MDN1: variants seen among roughly 807,000 people sequenced by gnomAD.
The protein encoded by MDN1 is midasin AAA ATPase 1.
A neutral mutation model predicts 669.2 loss-of-function variants in MDN1; 266 were observed. The ratio of observed to expected loss-of-function variants is 0.40; its 90% CI spans 0.36 to 0.44. The LOEUF is 0.44. Among genes scored for constraint, MDN1 ranks in the 20% least tolerant of loss-of-function variants. The pLI is 1.00. For missense variants in MDN1, 5,940 were observed against 6,754.0 expected, an observed-to-expected ratio of 0.88 and a Z score of 4.22; for synonymous variants, 2,385 against 2,457.1, an observed-to-expected ratio of 0.97 and a Z score of 0.87.
At chr6:89,819,075 C>G (rs1016051732) in intron 1 of MDN1, among the ~76,000 whole-genome samples, 2 of 152,210 alleles carry the variant, frequency 1.3e-5, no homozygotes, top group Non-Finnish European at 2.9e-5. Flanking sequence ...GTTCCTTACG[C>G]ACAGCAGGAA....
intron 77 of MDN1, 151 bp downstream of exon 77, chr6:89,675,951 A>G: frequency 1.5e-6 from 1 of 649,758 alleles, no homozygotes; most frequent in Non-Finnish European, 2.6e-6. Flanking sequence ...AATTACATTG[A>G]TTTATATTTT....
chr6:89,739,053 TG>T (rs976951509), intron 32 of MDN1, among the ~76,000 whole-genome samples: 3 of 152,228 alleles, frequency 2.0e-5, no homozygotes, highest in African/African-American at 7.2e-5. Context: ...GCATCATTAT[TG>T]GTTTGTCTGA....
chr6:89,787,466 C>T (rs1819024449), intron 8 of MDN1, among the ~76,000 whole-genome samples: 1 of 152,178 alleles, frequency 6.6e-6, no homozygotes, highest in Non-Finnish European at 1.5e-5. Flanking sequence ...CAAGTCATTT[C>T]ACTTATTCTT....
chr6:89,817,522 C>T (rs1355334631), intron 1 of MDN1, among the ~76,000 whole-genome samples: 1 of 152,108 alleles, frequency 6.6e-6, no homozygotes, highest in Non-Finnish European at 1.5e-5. Flanking sequence ...GAAAAGTCTT[C>T]CTGGGGAAGA....
intron 1 of MDN1, among the ~76,000 whole-genome samples, chr6:89,811,680 G>A (rs747729796): frequency 8.6e-5 from 13 of 151,984 alleles, no homozygotes; most frequent in Admixed American, 2.0e-4. Flanking sequence ...TCTTGACCTC[G>A]TGATCTGCCC....
At position 89,678,726 on chromosome 6, in the gene MDN1, C is replaced by T. The variant is rs1160930724; in HGVS notation, c.12285G>A (p.Val4095=). The change falls in exon 75 of 102, where the codon GTG becomes GTA. Residue 4095 remains valine (V), a synonymous_variant. Coordinates refer to ENST00000369393, the MANE Select transcript of MDN1 (RefSeq NM_014611.3). ...DQFTGEVISS[V]SELQSLKVEP... ...CCACCTTTAAGCTCTGCAGCTCACT[C>T]ACAGAGGAAATCACTTCACCTGTAA... 1 of 1,612,580 alleles carries T rather than the reference C, an allele frequency of 6.2e-7. No individual in the cohort carries two copies. The highest frequency in any genetic ancestry group is 2.2e-5 in the East Asian group (1 of 44,846).
Position 89,774,667 on chromosome 6 carries a change from G to C in MDN1, c.1888C>G (p.Arg630Gly). Residue 630 changes from arginine (R) to glycine (G), a missense_variant, in exon 13 of 102, where the codon CGA (arginine) becomes GGA (glycine). Physicochemically the swap from Arg to Gly is moderately radical, Grantham distance 125. Transcript: ENST00000369393. ...CTTTGTTTCCGTAGAAGCCGCACTCGACCCACTTGCAAATCTAGCTCATTG... is the reference window on the plus strand; with the variant it reads ...CTTTGTTTCCGTAGAAGCCGCACTCCACCCACTTGCAAATCTAGCTCATTG... The part of the protein sequence containing the change: ...VINELDLQVG[R>G]VRLLRKQSEA... The C allele has an allele frequency of 6.2e-7, 1 of 1,613,670 alleles. No individual in the cohort carries two copies. The highest frequency in any genetic ancestry group is 8.5e-7 in the Non-Finnish European group (1 of 1,179,702).
At chr6:89,742,595 T>C (rs921747735) in intron 31 of MDN1, among the ~76,000 whole-genome samples, 1 of 152,160 alleles carries the variant, frequency 6.6e-6, no homozygotes, top group Non-Finnish European at 1.5e-5. Context: ...ATTATAAACT[T>C]ACTAAAACTC....
chr6:89,735,858 A>G (rs998976610), intron 33 of MDN1, among the ~76,000 whole-genome samples: 9 of 152,146 alleles, frequency 5.9e-5, no homozygotes, highest in East Asian at 5.8e-4. Flanking sequence ...CGTCTCTACT[A>G]AAAATACAAA....
At chr6:89,764,636 T>G (rs1179999536) in intron 15 of MDN1, among the ~76,000 whole-genome samples, 1 of 152,086 alleles carries the variant, frequency 6.6e-6, no homozygotes, top group Non-Finnish European at 1.5e-5. Context: ...AAAGGCTTTG[T>G]TGAGGAGGGG....
In MDN1 at chr6:89,740,557, T is replaced by C. The variant is rs574655482; in HGVS notation, c.4449-179A>G. Among the ~76,000 whole-genome samples the C allele has an allele frequency of 3.9e-5, 6 of 152,302 alleles. No individual in the cohort carries two copies. In the South Asian group the frequency reaches 8.3e-4, roughly 21 times the overall value. On this transcript the variant is annotated intron_variant, in intron 31 of 101. Coordinates refer to ENST00000369393, the MANE Select transcript of MDN1 (RefSeq NM_014611.3). ...CACTATCCCAATTTCTGTGTAATAA[T>C]GGCTATTTCTGATCAAGAAAAAAAA...
chr6:89,652,714 A>G (rs1161521452), intron 94 of MDN1, among the ~76,000 whole-genome samples: 1 of 152,200 alleles, frequency 6.6e-6, no homozygotes. Context: ...ATGGTTAGAA[A>G]AGTGGGATGT....
chr6:89,651,114 G>A (rs1296920591), intron 95 of MDN1, among the ~76,000 whole-genome samples: 2 of 150,036 alleles, frequency 1.3e-5, no homozygotes, highest in South Asian at 2.1e-4. Context: ...CCAGGAGTTC[G>A]AGACCAGCCT....
chr6:89,680,945 C>T (rs542819423), intron 73 of MDN1, among the ~76,000 whole-genome samples, 194 bp from the exon 74 acceptor site: 1 of 152,186 alleles, frequency 6.6e-6, no homozygotes, highest in Non-Finnish European at 1.5e-5. Context: ...CATATGAGAT[C>T]ATTATAACTG....
At chr6:89,751,966 T>C (rs983234868) in intron 22 of MDN1, among the ~76,000 whole-genome samples, 2 of 152,192 alleles carry the variant, frequency 1.3e-5, no homozygotes, top group African/African-American at 4.8e-5. Flanking sequence ...TTTTGCACTA[T>C]TATACTCTGG....
At chr6:89,791,586 A>G (rs1819272368) in intron 5 of MDN1, among the ~76,000 whole-genome samples, 1 of 152,172 alleles carries the variant, frequency 6.6e-6, no homozygotes, top group Non-Finnish European at 1.5e-5. Context: ...CTACTTTGGA[A>G]TATGTGCGAC....
Position 89,685,875 on chromosome 6 carries a change from G to T in MDN1, c.11671C>A (p.Leu3891Met). The T allele has an allele frequency of 5.6e-6, 9 of 1,614,038 alleles. No homozygotes were observed. The highest frequency in any genetic ancestry group is 7.6e-6 in the Non-Finnish European group (9 of 1,180,020). Reference protein sequence around the residue: ...GEFHVRLQMLLVFHCHVLLMP... With the variant: ...GEFHVRLQMLMVFHCHVLLMP... ...AGCAAGACATGACAATGGAAAACCA[G>T]TAACATCTGAAGTCGCACATGGAAC... Residue 3891 changes from leucine to methionine, a missense_variant, in exon 70 of 102, where the codon CTG becomes ATG. Coordinates refer to ENST00000369393, the MANE Select transcript of MDN1 (RefSeq NM_014611.3).
intron 26 of MDN1, 99 bp from the exon 27 acceptor site, chr6:89,747,569 C>G (rs1440154604): frequency 4.3e-5 from 55 of 1,266,968 alleles, no homozygotes; most frequent in Non-Finnish European, 5.0e-5. Context: ...TTTATGCTCC[C>G]ATTTAAATGA....
At chr6:89,732,906 T>C in intron 33 of MDN1, 131 bp from the exon 34 acceptor site, 5 of 711,970 alleles carry the variant, frequency 7.0e-6, no homozygotes, top group Non-Finnish European at 1.2e-5. Context: ...TGAATGAATG[T>C]ACATAAATGC....
Sources: gnomAD v4.1 joint callset for allele counts (sites outside exome capture counted in the v4.1 genomes callset) on GRCh38, gnomAD v4.1.1 for gene constraint, MANE v1.5 for transcripts, NCBI Gene and HGNC (gene_info 2026-07-23, HGNC 2026-07-21) for gene names.